Variants in LRMDA observed in about 807,000 individuals in gnomAD.
The protein encoded by LRMDA is leucine rich melanocyte differentiation associated.
LRMDA carries 18 observed loss-of-function variants against 29.8 expected under a neutral mutation model. The observed-to-expected ratio is 0.60, with a 90% confidence interval of 0.42 to 0.90. The LOEUF is 0.90. Ranked by LOEUF, LRMDA falls within the 40% of genes least tolerant of loss-of-function variation. LRMDA has a pLI of 0.00. For synonymous variants in LRMDA, 125 were observed against 109.4 expected (o/e 1.14, Z -0.89); for missense variants, 273 against 273.9 (o/e 1.00, Z 0.02).
chr10:76,316,438 C>A (rs543270637), intron 5 of LRMDA, among the ~76,000 whole-genome samples: 2 of 152,218 alleles, frequency 1.3e-5, no homozygotes, highest in African/African-American at 4.8e-5. Flanking sequence ...CCACTCCATG[C>A]CTGGCTCACC....
chr10:75,778,875 C>T (rs1452787648), intron 2 of LRMDA, among the ~76,000 whole-genome samples: 1 of 152,130 alleles, frequency 6.6e-6, no homozygotes, highest in Non-Finnish European at 1.5e-5. Context: ...TTAGCTATTA[C>T]CTTGGGCCAG....
In LRMDA at chr10:76,065,290, T is replaced by TA. The variant is rs571227255; in HGVS notation, c.516+6514dup. ...GCATTTGGGTAGCAACCCTCTAAAA[T>TA]AAAAAAATAGAGCACTGCAGGAAAG... On this transcript the variant is annotated intron_variant, in intron 5 of 6. Coordinates refer to ENST00000611255, the MANE Select transcript of LRMDA (RefSeq NM_001305581.2). 4.5e-4 allele frequency among the ~76,000 whole-genome samples: 69 copies of TA among 152,188 alleles called. No homozygotes were observed. The South Asian group carries it at 0.013, about 29-fold the overall frequency.
At chr10:76,104,077 C>T (rs1225939977) in intron 5 of LRMDA, among the ~76,000 whole-genome samples, 2 of 151,778 alleles carry the variant, frequency 1.3e-5, no homozygotes, top group African/African-American at 4.8e-5. Flanking sequence ...ACACCATTCC[C>T]TTCTTCCAAG....
At chr10:75,910,178 A>G (rs1007920872) in intron 2 of LRMDA, among the ~76,000 whole-genome samples, 7 of 152,126 alleles carry the variant, frequency 4.6e-5, no homozygotes, top group African/African-American at 1.7e-4. Flanking sequence ...TTTATTTTCT[A>G]ATTTCGCCAC....
intron 5 of LRMDA, among the ~76,000 whole-genome samples, chr10:76,145,804 T>C (rs969871628): frequency 6.6e-6 from 1 of 152,072 alleles, no homozygotes; most frequent in African/African-American, 2.4e-5. Context: ...TTTAGATCTT[T>C]CCTGGTTTCT....
rs183274417 is a variant in LRMDA at position 76,191,287 on chromosome 10, A to T, written c.516+132504A>T. 2.6e-5 allele frequency among the ~76,000 whole-genome samples: 4 copies of T among 152,362 alleles called. No homozygotes were observed. The East Asian group carries it at 7.7e-4, about 29-fold the overall frequency. On this transcript the variant is annotated intron_variant, in intron 5 of 6. Coordinates refer to ENST00000611255, the MANE Select transcript of LRMDA (RefSeq NM_001305581.2). ...ATGTCTCTTTCTATTTAAATAAATCAGACAGAATACATAGATCCTGGATGG... is the reference window on the plus strand; with the variant it reads ...ATGTCTCTTTCTATTTAAATAAATCTGACAGAATACATAGATCCTGGATGG...
intron 2 of LRMDA, among the ~76,000 whole-genome samples, chr10:75,865,880 A>G (rs1206052815): frequency 6.6e-6 from 1 of 152,214 alleles, no homozygotes; most frequent in African/African-American, 2.4e-5. Flanking sequence ...ACTAATTTTG[A>G]TTGTTAATGG....
intron 5 of LRMDA, among the ~76,000 whole-genome samples, chr10:76,312,775 GCT>G (rs1184092077): frequency 6.6e-6 from 1 of 151,360 alleles, no homozygotes; most frequent in Non-Finnish European, 1.5e-5. Context: ...TCTCAGTAGT[GCT>G]CTTCTGCTTG....
At position 76,324,405 on chromosome 10, in the gene LRMDA, C is replaced by A. The variant is rs1231049507; in HGVS notation, c.521C>A (p.Ser174Tyr). ...GACTTTGCTTTTGTCACACAGGCTTCTAGTGAGGACGTTGCCAGCTCCCCG... is the reference window on the plus strand; with the variant it reads ...GACTTTGCTTTTGTCACACAGGCTTATAGTGAGGACGTTGCCAGCTCCCCG... ...VFMKVVKPKASSEDVASSPER... is the reference protein window; with the variant it reads ...VFMKVVKPKAYSEDVASSPER... Residue 174 changes from serine to tyrosine, a missense_variant, in exon 6 of 7, where the codon TCT becomes TAT. Ser to Tyr is a moderately radical substitution (Grantham distance 144, BLOSUM62 -2). Coordinates refer to ENST00000611255, the MANE Select transcript of LRMDA (RefSeq NM_001305581.2). 1.2e-6 allele frequency: 2 copies of A among 1,614,114 alleles called. No homozygotes were observed. The highest frequency in any genetic ancestry group is 2.2e-5 in the South Asian group (2 of 91,076).
intron 2 of LRMDA, among the ~76,000 whole-genome samples, chr10:75,649,223 TG>T (rs1251855239): frequency 6.6e-6 from 1 of 152,214 alleles, no homozygotes; most frequent in East Asian, 1.9e-4. Flanking sequence ...TTTATCCTTT[TG>T]TGTCTGGCTT....
intron 6 of LRMDA, among the ~76,000 whole-genome samples, chr10:76,497,214 G>T (rs1589215599): frequency 1.3e-5 from 1 of 74,508 alleles, no homozygotes; most frequent in East Asian, 2.5e-4. Context: ...TCTTTTAAAA[G>T]ATATTTCAAA....
chr10:76,037,839 A>G (rs1267360226), intron 3 of LRMDA, among the ~76,000 whole-genome samples: 1 of 152,256 alleles, frequency 6.6e-6, no homozygotes, highest in Non-Finnish European at 1.5e-5. Flanking sequence ...GGGAAGAACA[A>G]ACATTCAGAC....
intron 2 of LRMDA, among the ~76,000 whole-genome samples, chr10:75,935,451 C>T (rs1328164331): frequency 2.0e-5 from 3 of 152,130 alleles, no homozygotes; most frequent in Non-Finnish European, 4.4e-5. Flanking sequence ...AAGGGAAAGG[C>T]TGTTTGCTGT....
At chr10:76,513,385 A>T (rs183438145) in intron 6 of LRMDA, among the ~76,000 whole-genome samples, 25 of 152,160 alleles carry the variant, frequency 1.6e-4, no homozygotes, top group African/African-American at 6.0e-4. Flanking sequence ...TCTCTGTTTT[A>T]GTTTCCCCCA....
intron 6 of LRMDA, among the ~76,000 whole-genome samples, chr10:76,487,744 A>T (rs1343759219): frequency 6.6e-6 from 1 of 151,918 alleles, no homozygotes; most frequent in Non-Finnish European, 1.5e-5. Context: ...AACACAAATG[A>T]TGTTCTAAAC....
At chr10:76,257,336 C>CT (rs35378191) in intron 5 of LRMDA, among the ~76,000 whole-genome samples, 74,135 of 142,096 alleles carry the variant, frequency 0.52, 19,302 homozygotes, top group South Asian at 0.65. Context: ...TTTTCTTTTT[C>CT]TTTTTTTTTT....
intron 2 of LRMDA, among the ~76,000 whole-genome samples, chr10:75,538,651 C>T (rs1417963706): frequency 6.6e-6 from 1 of 152,024 alleles, no homozygotes; most frequent in Admixed American, 6.6e-5. Context: ...TGGCTTTGAC[C>T]TGTCATTTCT....
intron 5 of LRMDA, among the ~76,000 whole-genome samples, chr10:76,095,483 T>C (rs1185967109): frequency 1.3e-5 from 2 of 152,228 alleles, no homozygotes; most frequent in Non-Finnish European, 2.9e-5. Context: ...TGGACGTGTT[T>C]TCATTTCTTT....
At chr10:76,347,967 C>G (rs1236500434) in intron 6 of LRMDA, among the ~76,000 whole-genome samples, 1 of 151,960 alleles carries the variant, frequency 6.6e-6, no homozygotes, top group Non-Finnish European at 1.5e-5. Context: ...ATGCATTGTA[C>G]AAATGTTTGC....
Sources: allele counts gnomAD v4.1 joint callset (sites outside exome capture counted in the v4.1 genomes callset), GRCh38; gene constraint gnomAD v4.1.1; transcripts MANE v1.5; gene names NCBI Gene and HGNC (gene_info 2026-07-23, HGNC 2026-07-21).